Variants in GALNT1 observed in about 807,000 individuals in gnomAD.
GALNT1 encodes GalNAc transferase 1.
Under a neutral mutation model 65.7 loss-of-function variants are expected in GALNT1, and 17 were observed. The observed-to-expected ratio is 0.26, with a 90% confidence interval of 0.18 to 0.39. The LOEUF (loss-of-function observed/expected upper bound fraction) is 0.39. Ranked by LOEUF, GALNT1 falls within the 10% of genes least tolerant of loss-of-function variation. The pLI is 1.00. For synonymous variants in GALNT1, 210 were observed against 219.7 expected (o/e 0.96, Z 0.39); for missense variants, 460 against 672.8 (o/e 0.68, Z 3.50).
intron 1 of GALNT1, among the ~76,000 whole-genome samples, chr18:35,643,955 A>T (rs567562683): frequency 6.6e-6 from 1 of 152,310 alleles, no homozygotes; most frequent in African/African-American, 2.4e-5. Flanking sequence ...ATTACTTTAC[A>T]AACAGGAAAA....
intron 1 of GALNT1, among the ~76,000 whole-genome samples, chr18:35,635,722 A>C (rs2047080166): frequency 6.6e-6 from 1 of 152,112 alleles, no homozygotes; most frequent in South Asian, 2.1e-4. Flanking sequence ...TGTTTCTCTG[A>C]GAAGTTTGTA....
At chr18:35,601,546 T>C (rs2046582816) in intron 1 of GALNT1, among the ~76,000 whole-genome samples, 1 of 152,202 alleles carries the variant, frequency 6.6e-6, no homozygotes, top group Non-Finnish European at 1.5e-5. Context: ...TTGAAATCTT[T>C]CTACTGTTTT....
chr18:35,648,997 G>C (rs547536177), intron 1 of GALNT1, among the ~76,000 whole-genome samples: 1 of 152,318 alleles, frequency 6.6e-6, no homozygotes, highest in East Asian at 1.9e-4. Flanking sequence ...TCAGATGATT[G>C]ACATTTGGAT....
chr18:35,632,301 A>G (rs1348923874), intron 1 of GALNT1, among the ~76,000 whole-genome samples: 2 of 152,190 alleles, frequency 1.3e-5, no homozygotes, highest in Non-Finnish European at 1.5e-5. Flanking sequence ...TTCAAACTAT[A>G]CTACAAGGCT....
chr18:35,619,578 G>A (rs1441012534), intron 1 of GALNT1, among the ~76,000 whole-genome samples: 1 of 152,142 alleles, frequency 6.6e-6, no homozygotes, highest in Non-Finnish European at 1.5e-5. Flanking sequence ...TTTCCATTTA[G>A]TCTGCAAATT....
At chr18:35,678,796 A>G (rs1308100307) in intron 4 of GALNT1, among the ~76,000 whole-genome samples, 4 of 152,196 alleles carry the variant, frequency 2.6e-5, no homozygotes, top group African/African-American at 9.6e-5. Context: ...GTTAAGTATC[A>G]TACTTTCTCC....
chr18:35,666,620 T>G (rs1301685194), intron 3 of GALNT1, among the ~76,000 whole-genome samples: 1 of 152,188 alleles, frequency 6.6e-6, no homozygotes, highest in Non-Finnish European at 1.5e-5. Flanking sequence ...CTTTTTGTCT[T>G]TATGTGGTTT....
intron 1 of GALNT1, among the ~76,000 whole-genome samples, chr18:35,605,420 C>T (rs2046633807): frequency 6.6e-6 from 1 of 151,286 alleles, no homozygotes; most frequent in Non-Finnish European, 1.5e-5. Context: ...ATTGCTTGAA[C>T]TGAGGAGGCG....
intron 1 of GALNT1, among the ~76,000 whole-genome samples, chr18:35,650,872 C>T (rs528092156): frequency 4.2e-4 from 64 of 152,170 alleles, no homozygotes; most frequent in African/African-American, 1.4e-3. Flanking sequence ...GACATTCATT[C>T]TCAGCTTAAG....
At chr18:35,684,547 A>G (rs1292084259) in intron 5 of GALNT1, among the ~76,000 whole-genome samples, 3 of 152,192 alleles carry the variant, frequency 2.0e-5, no homozygotes, top group Admixed American at 1.3e-4. Flanking sequence ...CATAGAGAGA[A>G]AGCAAGGTGA....
At chr18:35,592,133 A>G (rs1041004635) in intron 1 of GALNT1, among the ~76,000 whole-genome samples, 2 of 152,100 alleles carry the variant, frequency 1.3e-5, no homozygotes. Context: ...GAAAGGGCTG[A>G]GGAATAAACC....
chr18:35,654,700 C>A lies in GALNT1; in HGVS notation c.38C>A (p.Thr13Asn), dbSNP rs1428595362. Residue 13 changes from threonine to asparagine, a missense_variant, in exon 2 of 12, where the codon ACC becomes AAC. Thr to Asn is a moderately conservative substitution (Grantham distance 65). Coordinates refer to ENST00000269195, the MANE Select transcript of GALNT1 (RefSeq NM_020474.4). ...KFAYCKVVLA[T>N]SLIWVLLDMF... ...GCATACTGCAAGGTGGTCCTAGCCACCTCCTTGATTTGGGTACTCTTGGAT... is the reference window on the plus strand; with the variant it reads ...GCATACTGCAAGGTGGTCCTAGCCAACTCCTTGATTTGGGTACTCTTGGAT... The A allele has an allele frequency of 6.4e-7, 1 of 1,562,324 alleles. No individual in the cohort carries two copies. The highest frequency in any genetic ancestry group is 2.4e-5 in the East Asian group (1 of 42,364).
At chr18:35,599,616 G>A (rs939129706) in intron 1 of GALNT1, among the ~76,000 whole-genome samples, 1 of 152,128 alleles carries the variant, frequency 6.6e-6, no homozygotes, top group Non-Finnish European at 1.5e-5. Flanking sequence ...GCCCGCCTTG[G>A]TCTCCCAAAG....
intron 1 of GALNT1, among the ~76,000 whole-genome samples, chr18:35,621,188 T>A (rs553340819): frequency 8.9e-4 from 136 of 152,178 alleles, no homozygotes; most frequent in Middle Eastern, 3.4e-3. Flanking sequence ...TTATTTATTT[T>A]TTTTTTTAGA....
intron 1 of GALNT1, among the ~76,000 whole-genome samples, chr18:35,634,807 T>G (rs956185910): frequency 3.9e-5 from 6 of 152,206 alleles, no homozygotes; most frequent in Admixed American, 1.3e-4. Flanking sequence ...TATATCAATG[T>G]AGGGAACTGT....
chr18:35,654,720 T>G lies in GALNT1; in HGVS notation c.58T>G (p.Leu20Val), dbSNP rs141224997. ...VLATSLIWVL[L>V]DMFLLLYFSE... Reference sequence around the variant, plus strand: ...AGCCACCTCCTTGATTTGGGTACTCTTGGATATGTTCCTGCTGCTTTACTT... The same window carrying G: ...AGCCACCTCCTTGATTTGGGTACTCGTGGATATGTTCCTGCTGCTTTACTT... The change falls in exon 2 of 12, where the codon TTG becomes GTG. Residue 20 changes from leucine (L) to valine (V), a missense_variant. Transcript: ENST00000269195. The G allele has an allele frequency of 1.2e-3, 1,944 of 1,578,982 alleles. 39 individuals are homozygous for G. The East Asian group carries it at 0.038, about 31-fold the overall frequency.
chr18:35,626,734 C>T (rs550919302), intron 1 of GALNT1, among the ~76,000 whole-genome samples: 1 of 152,246 alleles, frequency 6.6e-6, no homozygotes, highest in South Asian at 2.1e-4. Flanking sequence ...ATTTGTTATC[C>T]TCAGCATGTC....
Position 35,592,553 on chromosome 18 carries a change from A to G in GALNT1, c.-104+10691A>G, listed in dbSNP as rs560850937. Reference sequence around the variant, plus strand: ...GTGAGATGAAGGTAGGAAAATTGGCATGGTATAGCTGATGCAAGACCTCAT... The same window carrying G: ...GTGAGATGAAGGTAGGAAAATTGGCGTGGTATAGCTGATGCAAGACCTCAT... On this transcript the variant is annotated intron_variant, in intron 1 of 11. Transcript: ENST00000269195. 1.8e-4 allele frequency among the ~76,000 whole-genome samples: 28 copies of G among 152,276 alleles called. No individual in the cohort carries two copies. The South Asian group carries it at 5.0e-3, about 27-fold the overall frequency.
intron 1 of GALNT1, among the ~76,000 whole-genome samples, chr18:35,623,802 C>T (rs1208608607): frequency 6.6e-6 from 1 of 152,058 alleles, no homozygotes; most frequent in East Asian, 1.9e-4. Flanking sequence ...TTCCTCTGTT[C>T]AGTTATTATT....
Sources: allele counts gnomAD v4.1 joint callset (sites outside exome capture counted in the v4.1 genomes callset), GRCh38; gene constraint gnomAD v4.1.1; transcripts MANE v1.5; gene names NCBI Gene and HGNC (gene_info 2026-07-23, HGNC 2026-07-21).